EIF2B3: variants seen among roughly 807,000 people sequenced by gnomAD.
EIF2B3 encodes translation initiation factor eIF2B subunit gamma.
EIF2B3 carries 20 observed loss-of-function variants against 54.1 expected under a neutral mutation model. That is an observed-to-expected ratio of 0.37 (90% CI 0.26 to 0.54). EIF2B3 has a LOEUF of 0.54. EIF2B3 is among the 20% of genes least tolerant of loss of function. EIF2B3 has a pLI of 0.86. For synonymous variants in EIF2B3, 153 were observed against 188.1 expected (o/e 0.81, Z 1.52); for missense variants, 448 against 547.8 (o/e 0.82, Z 1.82).
intron 1 of EIF2B3, among the ~76,000 whole-genome samples, chr1:44,984,139 A>G (rs1644544212): frequency 6.6e-6 from 1 of 151,966 alleles, no homozygotes; most frequent in Non-Finnish European, 1.5e-5. Context: ...AGAGCACACC[A>G]CTCGCACTTC....
chr1:44,980,322 G>A (rs990022191), intron 2 of EIF2B3, among the ~76,000 whole-genome samples: 2 of 151,998 alleles, frequency 1.3e-5, no homozygotes, highest in Non-Finnish European at 2.9e-5. Context: ...AACTTAGCCG[G>A]GCATGGTGGA....
chr1:44,984,772 G>A (rs1484453258), intron 1 of EIF2B3, among the ~76,000 whole-genome samples: 3 of 146,726 alleles, frequency 2.0e-5, no homozygotes, highest in South Asian at 4.4e-4. Context: ...GTTATTCTAC[G>A]TAAAGCAGAC....
chr1:44,858,773 T>G (rs1446090258), intron 10 of EIF2B3, among the ~76,000 whole-genome samples: 2 of 151,848 alleles, frequency 1.3e-5, no homozygotes, highest in Non-Finnish European at 2.9e-5. Flanking sequence ...CCTAAACAAT[T>G]TTTTCAGAGA....
At chr1:44,937,711 G>A (rs1393394073) in intron 4 of EIF2B3, among the ~76,000 whole-genome samples, 1 of 151,390 alleles carries the variant, frequency 6.6e-6, no homozygotes, top group African/African-American at 2.4e-5. Context: ...GTGAAACCCC[G>A]TCTCTACTAA....
intron 3 of EIF2B3, among the ~76,000 whole-genome samples, chr1:44,952,785 C>G (rs1290094970): frequency 1.3e-5 from 2 of 152,018 alleles, no homozygotes; most frequent in African/African-American, 4.8e-5. Context: ...ATCTCCTTAC[C>G]TCGTGATCCG....
intron 5 of EIF2B3, among the ~76,000 whole-genome samples, chr1:44,918,850 T>A (rs1340411584): frequency 6.6e-6 from 1 of 152,240 alleles, no homozygotes; most frequent in Non-Finnish European, 1.5e-5. Flanking sequence ...ATAATTGTTA[T>A]ATTATTTTGG....
intron 7 of EIF2B3, among the ~76,000 whole-genome samples, chr1:44,880,743 A>T (rs574096228): frequency 1.6e-4 from 24 of 152,256 alleles, no homozygotes; most frequent in African/African-American, 5.5e-4. Flanking sequence ...CGGGTGGATC[A>T]TGAGGTCAGG....
chr1:44,890,039 C>T (rs1655743018), intron 6 of EIF2B3, among the ~76,000 whole-genome samples: 1 of 152,188 alleles, frequency 6.6e-6, no homozygotes, highest in African/African-American at 2.4e-5. Flanking sequence ...ATACGTGGCT[C>T]TTTGCATGTT....
chr1:44,888,989 T>C (rs781229195), intron 6 of EIF2B3, among the ~76,000 whole-genome samples: 2 of 152,244 alleles, frequency 1.3e-5, no homozygotes, highest in Non-Finnish European at 2.9e-5. Flanking sequence ...CCACCAGTGC[T>C]GTAGCTCAGC....
intron 3 of EIF2B3, among the ~76,000 whole-genome samples, chr1:44,945,725 A>G (rs77238072): frequency 0.011 from 1,614 of 152,246 alleles, 32 homozygotes; most frequent in African/African-American, 0.037. Context: ...AGACAAGGAG[A>G]CAAATCATTA....
intron 7 of EIF2B3, among the ~76,000 whole-genome samples, chr1:44,880,705 G>A (rs1028571518): frequency 6.6e-6 from 1 of 152,210 alleles, no homozygotes; most frequent in Admixed American, 6.5e-5. Flanking sequence ...GCTCATGCCT[G>A]TAATCCCAGC....
chr1:44,931,724 G>C (rs1445596718), intron 4 of EIF2B3, among the ~76,000 whole-genome samples: 1 of 152,196 alleles, frequency 6.6e-6, no homozygotes, highest in East Asian at 1.9e-4. Context: ...GATAGATGCA[G>C]AAAAAGCATC....
rs1331501637 is a variant in EIF2B3, at chr1:44,881,892, G to A, written c.657-153C>T. 6.6e-6 allele frequency among the ~76,000 whole-genome samples: 1 copy of A among 152,224 alleles called. No individual in the cohort carries two copies. The highest frequency in any genetic ancestry group is 2.4e-5 in the African/African-American group (1 of 41,452). On this transcript the variant is annotated intron_variant, in intron 6 of 11. Transcript: ENST00000360403. This position sits in a 1 kb window ranked among gnomAD's most constrained non-coding sequence, Gnocchi z 4.0. ...AAATGTGGCATTGACTTGGCAGTTC[G>A]GAGAAGCAGAGTGCTTCCTGGTGGG...
chr1:44,961,498 C>CAA (rs1644284654), intron 3 of EIF2B3, among the ~76,000 whole-genome samples: 1 of 151,736 alleles, frequency 6.6e-6, no homozygotes, highest in Admixed American at 6.6e-5. Flanking sequence ...GGTAACATAG[C>CAA]AAGACCTCAT....
At chr1:44,938,034 A>AGGTG (rs1643974585) in intron 4 of EIF2B3, among the ~76,000 whole-genome samples, 1 of 151,976 alleles carries the variant, frequency 6.6e-6, no homozygotes, top group Non-Finnish European at 1.5e-5. Flanking sequence ...AGGGGAAGAA[A>AGGTG]GGTGGCTCCA....
intron 4 of EIF2B3, among the ~76,000 whole-genome samples, chr1:44,931,214 T>C (rs1445344624): frequency 2.0e-5 from 3 of 152,086 alleles, no homozygotes; most frequent in African/African-American, 7.2e-5. Context: ...GAAAGGAGGG[T>C]AGCTTCTGGC....
At chr1:44,935,524 G>A (rs1643937664) in intron 4 of EIF2B3, among the ~76,000 whole-genome samples, 1 of 152,044 alleles carries the variant, frequency 6.6e-6, no homozygotes, top group South Asian at 2.1e-4. Flanking sequence ...TTTGGAGATG[G>A]AGTCTTGCTC....
At chr1:44,984,797 C>CTTTTTTTTTTT (rs71040529) in intron 1 of EIF2B3, among the ~76,000 whole-genome samples, 1,353 of 88,470 alleles carry the variant, frequency 0.015, 193 homozygotes, top group African/African-American at 0.018. Context: ...TAATGTCCAT[C>CTTTTTTTTTTT]TTTTTTTTTT....
intron 10 of EIF2B3, among the ~76,000 whole-genome samples, chr1:44,858,367 T>C (rs987189575): frequency 2.0e-5 from 3 of 152,272 alleles, no homozygotes; most frequent in Admixed American, 1.3e-4. Context: ...CAAATTTCAT[T>C]TGAGGCTCAG....
Sources: allele counts gnomAD v4.1 joint callset (sites outside exome capture counted in the v4.1 genomes callset), GRCh38; gene constraint gnomAD v4.1.1; non-coding constraint Gnocchi (gnomAD v3.1); transcripts MANE v1.5; gene names NCBI Gene and HGNC (gene_info 2026-07-23, HGNC 2026-07-21).